NDE1: variants seen among roughly 807,000 people sequenced by gnomAD.
NDE1 encodes nudE neurodevelopment protein 1.
Under a neutral mutation model 43.4 loss-of-function variants are expected in NDE1, and 28 were observed. That is an observed-to-expected ratio of 0.65 (90% confidence interval 0.48 to 0.89). The LOEUF is 0.89. NDE1 is among the 40% of genes least tolerant of loss of function. The pLI is 0.00. For missense variants in NDE1, 441 were observed against 434.1 expected (o/e 1.02, Z -0.14); for synonymous variants, 184 against 172.0 (o/e 1.07, Z -0.55).
rs1216925686 is a variant in NDE1 at position 15,692,055 on chromosome 16, G to A, written c.703+732G>A. ...CCGAGAGCTAGACTCAGCGTAACGT[G>A]TGCTGCATGGGCAGAAAAAAAGAAT... On this transcript the variant is annotated intron_variant, in intron 6 of 8. Coordinates refer to ENST00000396354, the MANE Select transcript of NDE1 (RefSeq NM_017668.3). Among the ~76,000 whole-genome samples the A allele has an allele frequency of 2.0e-5, 3 of 152,046 alleles. No individual in the cohort carries two copies. The East Asian group carries it at 5.8e-4, about 29-fold the overall frequency.
At position 15,667,479 on chromosome 16, in the gene NDE1, C is replaced by T. The variant is rs180873426; in HGVS notation, c.237+40C>T. 4.6e-5 allele frequency: 74 copies of T among 1,610,510 alleles called. 2 individuals carry two copies. The South Asian group carries it at 7.3e-4, about 16-fold the overall frequency. ...GGAAGTGTGCTCAGGTGTAGACAGG[C>T]GTCCAACACAGGCATGGCATGCTTG... On this transcript the variant is annotated intron_variant, in intron 3 of 8. Transcript: ENST00000396354.
intron 6 of NDE1, among the ~76,000 whole-genome samples, chr16:15,692,664 C>T (rs1459433889): frequency 1.3e-5 from 2 of 152,114 alleles, no homozygotes; most frequent in African/African-American, 4.8e-5. Context: ...CCTGCCTCAG[C>T]CCCTGAAAGT....
chr16:15,686,080 C>G (rs1441308473), intron 4 of NDE1, among the ~76,000 whole-genome samples: 2 of 151,856 alleles, frequency 1.3e-5, no homozygotes, highest in African/African-American at 4.8e-5. Flanking sequence ...CCCTCCCGAG[C>G]AGCTGGGACT....
intron 4 of NDE1, among the ~76,000 whole-genome samples, chr16:15,684,013 C>CTGAGG (rs1405034559): frequency 6.6e-6 from 1 of 152,052 alleles, no homozygotes; most frequent in East Asian, 1.9e-4. Context: ...GGCGGATCAC[C>CTGAGG]TGAGGTTAGG....
chr16:15,680,685 G>A (rs778336489), intron 4 of NDE1, among the ~76,000 whole-genome samples: 4 of 151,858 alleles, frequency 2.6e-5, no homozygotes, highest in African/African-American at 4.8e-5. Context: ...GATTACAGGC[G>A]CCCCCCACCA....
Position 15,691,301 on chromosome 16 carries a change from C to T in NDE1, c.681C>T (p.Asn227=), listed in dbSNP as rs747643555. 2 of 1,613,928 alleles carry T rather than the reference C, an allele frequency of 1.2e-6. No homozygotes were observed. Among genetic ancestry groups the T allele is most frequent in the South Asian group, 2.2e-5 (2 of 91,038 alleles). ...IAHRGPSSSL[N]TPGSFRRGLD... ...ACCGAGGACCCAGCTCAAGTTTAAA[C>T]ACACCTGGGAGCTTCAGACGTGGTA... Residue 227 remains asparagine, a synonymous_variant, in exon 6 of 9, where the codon AAC becomes AAT. Transcript: ENST00000396354.
chr16:15,712,323 T>G (rs11859486), intron 8 of NDE1, among the ~76,000 whole-genome samples: 1,791 of 152,190 alleles, frequency 0.012, 40 homozygotes, highest in African/African-American at 0.042. Context: ...GCGCCAAGAT[T>G]AGTTGAGACC....
At chr16:15,685,826 C>A (rs950396576) in intron 4 of NDE1, among the ~76,000 whole-genome samples, 6 of 152,018 alleles carry the variant, frequency 3.9e-5, no homozygotes, top group African/African-American at 9.7e-5. Context: ...GTGCTTCTGA[C>A]CACTGTGGGA....
intron 6 of NDE1, among the ~76,000 whole-genome samples, chr16:15,693,205 A>G (rs1756489147): frequency 6.6e-6 from 1 of 152,094 alleles, no homozygotes; most frequent in Non-Finnish European, 1.5e-5. Flanking sequence ...AGATTTTGCC[A>G]TGTTGGCCAG....
chr16:15,675,431 T>A (rs1490680723), intron 3 of NDE1, among the ~76,000 whole-genome samples: 1 of 151,928 alleles, frequency 6.6e-6, no homozygotes, highest in South Asian at 2.1e-4. Context: ...TGGGTTTTTT[T>A]TTTTTTTTGC....
chr16:15,670,677 G>C (rs191578433), intron 3 of NDE1, among the ~76,000 whole-genome samples: 15 of 149,966 alleles, frequency 1.0e-4, no homozygotes, highest in African/African-American at 2.7e-4. Flanking sequence ...AAAAAAGAAA[G>C]AAAAAGAAAG....
chr16:15,717,144 C>T lies in NDE1; in HGVS notation c.948-7047C>T, dbSNP rs759734157. ...CGGAACTCCACACCCGCATACCTGG[C>T]CTCCTGCTCGACCTGCTCCTCCAGC... On this transcript the variant is annotated intron_variant, in intron 8 of 8. Coordinates refer to ENST00000396354, the MANE Select transcript of NDE1 (RefSeq NM_017668.3). 17 of 1,614,096 alleles carry T rather than the reference C, an allele frequency of 1.1e-5. No individual in the cohort carries two copies. In the Admixed American group the frequency reaches 2.2e-4, roughly 21 times the overall value.
chr16:15,666,361 G>A (rs2037307970), intron 2 of NDE1, among the ~76,000 whole-genome samples: 1 of 152,046 alleles, frequency 6.6e-6, no homozygotes, highest in Admixed American at 6.6e-5. Flanking sequence ...GCTCACATCT[G>A]TAATCCCAGC....
chr16:15,648,025 T>A (rs2036365538), upstream of NDE1, among the ~76,000 whole-genome samples: 1 of 132,074 alleles, frequency 7.6e-6, no homozygotes, highest in Admixed American at 8.1e-5. Flanking sequence ...AGGGTGAGAC[T>A]CTGTCTCACA....
chr16:15,677,700 T>G, intron 3 of NDE1, 101 bp from the exon 4 acceptor site: 1 of 1,343,490 alleles, frequency 7.4e-7, no homozygotes, highest in African/African-American at 1.4e-5. Flanking sequence ...CCTCCCAGTT[T>G]AGCCTCCCGA....
chr16:15,644,914 T>C (rs533801639), intron 1 of NDE1, among the ~76,000 whole-genome samples: 2 of 150,830 alleles, frequency 1.3e-5, no homozygotes, highest in Admixed American at 1.3e-4. Flanking sequence ...ACATTTCCTT[T>C]TTACTTTTTT....
Position 15,725,181 on chromosome 16 carries a change from G to A in NDE1, c.*930G>A. On this transcript the variant is annotated 3_prime_UTR_variant, in exon 9 of 9. Coordinates refer to ENST00000396354, the MANE Select transcript of NDE1 (RefSeq NM_017668.3). ...CACACACAAAAAAAACAGAATCTGTGGCTTGAAGGGAACTCCGTCACCTAT... is the reference window on the plus strand; with the variant it reads ...CACACACAAAAAAAACAGAATCTGTAGCTTGAAGGGAACTCCGTCACCTAT... 1 of 630,336 alleles carries A rather than the reference G, an allele frequency of 1.6e-6. No homozygotes were observed. The highest frequency in any genetic ancestry group is 1.9e-5 in the South Asian group (1 of 51,792). 39.0% of individuals were successfully genotyped at this position (630,336 alleles called of 1,614,324 possible).
At chr16:15,673,244 C>CT (rs957720536) in intron 3 of NDE1, among the ~76,000 whole-genome samples, 1 of 152,018 alleles carries the variant, frequency 6.6e-6, no homozygotes, top group Non-Finnish European at 1.5e-5. Flanking sequence ...GATGGGGTCT[C>CT]TGTCACCCAA....
chr16:15,707,586 G>A (rs2151169234), intron 8 of NDE1, among the ~76,000 whole-genome samples: 1 of 152,308 alleles, frequency 6.6e-6, no homozygotes, highest in Non-Finnish European at 1.5e-5. Context: ...AAGTATTTTG[G>A]TAGTGACAGC....
Sources: gnomAD v4.1 joint callset for allele counts (sites outside exome capture counted in the v4.1 genomes callset) on GRCh38, gnomAD v4.1.1 for gene constraint, MANE v1.5 for transcripts, NCBI Gene and HGNC (gene_info 2026-07-23, HGNC 2026-07-21) for gene names.